CHIA: variants seen among roughly 807,000 people sequenced by gnomAD.
CHIA encodes acidic mammalian chitinase.
In CHIA, 47 loss-of-function variants were observed where a neutral mutation model predicts 53.5. The ratio of observed to expected loss-of-function variants is 0.88; its 90% confidence interval spans 0.70 to 1.12. The LOEUF (loss-of-function observed/expected upper bound fraction) is 1.12, where lower values mean the gene tolerates loss of function less well. CHIA is among the 50% of genes most tolerant of loss of function. The pLI is 0.00. For synonymous variants in CHIA, 268 were observed against 222.2 expected (o/e 1.21, Z -1.83); for missense variants, 652 against 592.2 (o/e 1.10, Z -1.05).
At chr1:111,298,131 A>G (rs1460899456) in intron 1 of CHIA, among the ~76,000 whole-genome samples, 1 of 152,210 alleles carries the variant, frequency 6.6e-6, no homozygotes, top group Non-Finnish European at 1.5e-5. Flanking sequence ...TTAGACTCCC[A>G]CACAATAATA....
At chr1:111,314,088 C>T (rs1648940878) in intron 4 of CHIA, among the ~76,000 whole-genome samples, 1 of 152,170 alleles carries the variant, frequency 6.6e-6, no homozygotes. Context: ...TGTCCTCCCA[C>T]AACCCTTGCA....
At chr1:111,319,539 C>A in intron 11 of CHIA, 71 bp downstream of exon 11, 1 of 1,421,960 alleles carries the variant, frequency 7.0e-7, no homozygotes, top group Non-Finnish European at 9.8e-7. Flanking sequence ...ACCCTGATGT[C>A]TTCCCACCTC....
intron 1 of CHIA, among the ~76,000 whole-genome samples, chr1:111,297,924 A>AAAAT (rs1227673719): frequency 8.0e-5 from 7 of 87,884 alleles, no homozygotes. Flanking sequence ...AAAAAAAAAA[A>AAAAT]ACAAGCAGGG....
chr1:111,303,602 T>C (rs914637739), intron 1 of CHIA, among the ~76,000 whole-genome samples: 2 of 152,144 alleles, frequency 1.3e-5, no homozygotes, highest in Non-Finnish European at 2.9e-5. Flanking sequence ...CAGGTTTAAC[T>C]GCAATAACTT....
intron 6 of CHIA, chr1:111,316,960 A>G (rs1380249305): frequency 6.6e-6 from 1 of 152,230 alleles, no homozygotes; most frequent in African/African-American, 2.4e-5. Flanking sequence ...TTCCTGCTGA[A>G]GCAACAGAGA....
rs1436682410 is a variant in CHIA, at chr1:111,320,555, G to A, written c.*89G>A. The A allele has an allele frequency of 5.6e-6, 7 of 1,252,338 alleles. No homozygotes were observed. In the African/African-American group the frequency reaches 5.9e-5, roughly 11 times the overall value. The allele number at this position is 1,252,338 out of a possible 1,614,324, so 77.6% of individuals were successfully genotyped here. A position where few individuals can be genotyped will look rare whatever the true frequency, so the allele number is the denominator to read the frequency against. ...CTAAAGTCCTGCAATAAAATCAGCAGTCAAAACATGACTGTCCTTGCTTTT... is the reference window on the plus strand; with the variant it reads ...CTAAAGTCCTGCAATAAAATCAGCAATCAAAACATGACTGTCCTTGCTTTT... On this transcript the variant is annotated 3_prime_UTR_variant, in exon 12 of 12. Transcript: ENST00000369740.
chr1:111,293,263 A>G (rs966580205), intron 1 of CHIA, among the ~76,000 whole-genome samples: 11 of 152,122 alleles, frequency 7.2e-5, no homozygotes, highest in African/African-American at 2.7e-4. Context: ...CTGTTTTTTG[A>G]TAGTAGCCAT....
At chr1:111,312,937 A>G (rs1648807990) in intron 4 of CHIA, among the ~76,000 whole-genome samples, 2 of 152,178 alleles carry the variant, frequency 1.3e-5, no homozygotes, top group Non-Finnish European at 2.9e-5. Flanking sequence ...CTCACTTAAC[A>G]TAATATCCTC....
chr1:111,312,039 A>G, intron 3 of CHIA, 151 bp from the exon 4 acceptor site: 1 of 650,308 alleles, frequency 1.5e-6, no homozygotes, highest in Non-Finnish European at 2.7e-6. Context: ...GAATCTTAGG[A>G]TGCATTTGCA....
At chr1:111,318,367 G>T (rs1649344318) in intron 8 of CHIA, 126 bp from the exon 9 acceptor site, 2 of 949,904 alleles carry the variant, frequency 2.1e-6, no homozygotes. Context: ...AAAATGTTTT[G>T]AAAAAAATAC....
At chr1:111,311,777 A>G in intron 3 of CHIA, 59 bp downstream of exon 3, 3 of 1,558,862 alleles carry the variant, frequency 1.9e-6, no homozygotes, top group South Asian at 1.1e-5. Flanking sequence ...AAACCATACT[A>G]TGGAAAGAGA....
chr1:111,312,630 ATACT>A (rs1325281068), intron 4 of CHIA, among the ~76,000 whole-genome samples: 3 of 152,196 alleles, frequency 2.0e-5, no homozygotes, highest in African/African-American at 2.4e-5. Context: ...ATTTCCACAA[ATACT>A]TAATGTTTTT....
At chr1:111,306,200 T>C (rs1230757794) in intron 1 of CHIA, among the ~76,000 whole-genome samples, 1 of 152,200 alleles carries the variant, frequency 6.6e-6, no homozygotes, top group Non-Finnish European at 1.5e-5. Flanking sequence ...GGGTTTCTTA[T>C]GGGATTTTTA....
chr1:111,298,478 C>A (rs1295773492), intron 1 of CHIA, among the ~76,000 whole-genome samples: 6 of 152,180 alleles, frequency 3.9e-5, no homozygotes, highest in African/African-American at 1.2e-4. Flanking sequence ...AGTGAACAAC[C>A]TGCTCCTGAA....
chr1:111,316,130 T>C, intron 6 of CHIA: 1 of 253,440 alleles, frequency 3.9e-6, no homozygotes, highest in East Asian at 1.0e-4. Context: ...AAACTGGTGT[T>C]AACCAATTAA....
chr1:111,300,683 A>G (rs1388157836), intron 1 of CHIA, among the ~76,000 whole-genome samples: 2 of 152,246 alleles, frequency 1.3e-5, no homozygotes, highest in Non-Finnish European at 2.9e-5. Context: ...CAAGGACTTC[A>G]TGACTAAAAC....
At chr1:111,311,818 T>A (rs115520129) in intron 3 of CHIA, 100 bp downstream of exon 3, 18 of 1,275,830 alleles carry the variant, frequency 1.4e-5, no homozygotes, top group Non-Finnish European at 2.1e-5. Context: ...CAGATGGGTT[T>A]GATTTGGGAG....
intron 4 of CHIA, 29 bp downstream of exon 4, chr1:111,312,420 A>T (rs769569777): frequency 5.7e-6 from 9 of 1,568,460 alleles, no homozygotes; most frequent in Non-Finnish European, 7.9e-6. Flanking sequence ...TTAATTTGGC[A>T]TCCCCTTTTT....
chr1:111,309,567 A>G (rs941114882), intron 1 of CHIA, among the ~76,000 whole-genome samples: 56 of 152,232 alleles, frequency 3.7e-4, no homozygotes, highest in Non-Finnish European at 7.2e-4. Context: ...GCAAGACATT[A>G]CAGGCAAGGA....
Sources: allele counts gnomAD v4.1 joint callset (sites outside exome capture counted in the v4.1 genomes callset), GRCh38; gene constraint gnomAD v4.1.1; transcripts MANE v1.5; gene names NCBI Gene and HGNC (gene_info 2026-07-23, HGNC 2026-07-21).